The following ZP3 variants were observed in gnomAD, a reference collection of about 807,000 sequenced individuals.
The protein encoded by ZP3 is zona pellucida glycoprotein 3.
Under a neutral mutation model 35.6 loss-of-function variants are expected in ZP3, and 21 were observed. That is an observed-to-expected ratio of 0.59 (90% CI 0.42 to 0.85). The LOEUF is 0.85. Among genes scored for constraint, ZP3 ranks in the 40% least tolerant of loss-of-function variants. The probability of loss-of-function intolerance (pLI) is 0.00; values close to 1 mark genes in which losing one functional copy is unlikely to be tolerated. For synonymous variants in ZP3, 207 were observed against 214.5 expected, an observed-to-expected ratio of 0.96 and a Z score of 0.31; for missense variants, 437 against 536.5, an observed-to-expected ratio of 0.81 and a Z score of 1.83.
chr7:76,400,356 G>T, intron 1 of ZP3: 1 of 1,558,854 alleles, frequency 6.4e-7, no homozygotes, highest in Non-Finnish European at 8.7e-7. Flanking sequence ...TGCCGCACTC[G>T]CTCAGCGCAG....
intron 2 of ZP3, among the ~76,000 whole-genome samples, chr7:76,432,596 A>C (rs1359649372): frequency 6.6e-6 from 1 of 152,096 alleles, no homozygotes; most frequent in Non-Finnish European, 1.5e-5. Flanking sequence ...GATTACAGGC[A>C]TGAGCCACCG....
At chr7:76,404,478 C>A in intron 1 of ZP3, 1 of 1,613,596 alleles carries the variant, frequency 6.2e-7, no homozygotes, top group Non-Finnish European at 8.5e-7. Flanking sequence ...CCCATCAAGG[C>A]GCCAGGGAGA....
At chr7:76,441,718 T>C in intron 7 of ZP3, 124 bp from the exon 8 acceptor site, 1 of 1,213,964 alleles carries the variant, frequency 8.2e-7, no homozygotes, top group East Asian at 2.4e-5. Context: ...GTCTAGAAAC[T>C]GTTTATTAGC....
intron 1 of ZP3, among the ~76,000 whole-genome samples, chr7:76,401,896 C>G (rs955712227): frequency 6.6e-6 from 1 of 152,200 alleles, no homozygotes; most frequent in Non-Finnish European, 1.5e-5. Context: ...CCAGACTCTC[C>G]GCTCAGAACC....
chr7:76,435,538 G>A (rs1296409976), intron 5 of ZP3, among the ~76,000 whole-genome samples: 33 of 152,244 alleles, frequency 2.2e-4, no homozygotes, highest in African/African-American at 7.7e-4. Flanking sequence ...ATTAAAGTAG[G>A]GGTTTCCAGT....
intron 1 of ZP3, among the ~76,000 whole-genome samples, chr7:76,416,906 G>A (rs560042264): frequency 0.1 from 11,752 of 114,766 alleles, 1,280 homozygotes; most frequent in African/African-American, 0.32. Flanking sequence ...ACATACATAT[G>A]TATACATACA....
rs1410424632 is a variant in ZP3, at chr7:76,437,461, C to T, written c.832-2789C>T. On this transcript the variant is annotated intron_variant, in intron 5 of 7. Coordinates refer to ENST00000394857, the MANE Select transcript of ZP3 (RefSeq NM_001110354.2). Reference sequence around the variant, plus strand: ...CTGGGATTACAGGCATGAGCTATCACACTCCCCTCTTTTTTTTTTTTTTTT... The same window carrying T: ...CTGGGATTACAGGCATGAGCTATCATACTCCCCTCTTTTTTTTTTTTTTTT... 1.5e-4 allele frequency among the ~76,000 whole-genome samples: 23 copies of T among 149,814 alleles called. No homozygotes were observed. In the East Asian group the frequency reaches 3.1e-3, roughly 20 times the overall value.
upstream of ZP3, chr7:76,424,925 A>C (rs1325866505): frequency 6.7e-7 from 1 of 1,482,798 alleles, no homozygotes; most frequent in Non-Finnish European, 9.0e-7. Context: ...CCACGGGTAT[A>C]AGATGGCCAG....
At chr7:76,434,895 C>G (rs1213118114) in intron 5 of ZP3, among the ~76,000 whole-genome samples, 1 of 150,874 alleles carries the variant, frequency 6.6e-6, no homozygotes, top group African/African-American at 2.4e-5. Context: ...TGGGTCCTCC[C>G]CTTGAGAACC....
At chr7:76,409,678 T>C (rs929369335) in intron 1 of ZP3, 1 of 152,490 alleles carries the variant, frequency 6.6e-6, no homozygotes, top group African/African-American at 2.4e-5. Context: ...CGGCACCAGC[T>C]GGAGCGGCCC....
intron 1 of ZP3, among the ~76,000 whole-genome samples, chr7:76,403,868 G>A (rs950219726): frequency 1.3e-5 from 2 of 152,008 alleles, no homozygotes; most frequent in Admixed American, 6.6e-5. Flanking sequence ...TCACCATGTT[G>A]GCCAGGCTGG....
chr7:76,403,149 T>G (rs1483952057), intron 1 of ZP3, among the ~76,000 whole-genome samples: 2 of 152,156 alleles, frequency 1.3e-5, no homozygotes, highest in African/African-American at 4.8e-5. Context: ...ATCATGCAGT[T>G]CTGAGCACGA....
chr7:76,421,511 C>G (rs1805504458), upstream of ZP3, among the ~76,000 whole-genome samples: 1 of 152,076 alleles, frequency 6.6e-6, no homozygotes, highest in South Asian at 2.1e-4. Flanking sequence ...ACCTTAGCCT[C>G]CCAAAGTGCT....
intron 5 of ZP3, 85 bp from the exon 6 acceptor site, chr7:76,440,165 G>C (rs569352916): frequency 4.7e-5 from 69 of 1,482,482 alleles, no homozygotes; most frequent in Non-Finnish European, 6.2e-5. Context: ...CTCTTTAAAG[G>C]GTTGAGGGTT....
intron 1 of ZP3, chr7:76,404,199 A>G: frequency 7.1e-7 from 1 of 1,405,210 alleles, no homozygotes; most frequent in Non-Finnish European, 9.4e-7. Context: ...ATTGGAAAGA[A>G]CAACAGGAAC....
At chr7:76,417,938 TTC>T (rs1491281067) in intron 1 of ZP3, among the ~76,000 whole-genome samples, 10,001 of 135,692 alleles carry the variant, frequency 0.074, 744 homozygotes, top group African/African-American at 0.2. Flanking sequence ...CTTTCTTTCT[TTC>T]TTTTTTTTTT....
intron 5 of ZP3, chr7:76,440,004 C>G: frequency 2.2e-6 from 1 of 450,196 alleles, no homozygotes. Context: ...CCCACCACCA[C>G]GCCCAGCTAA....
rs531868468 is a variant in ZP3 at position 76,432,250 on chromosome 7, G to T, written c.432-677G>T. On this transcript the variant is annotated intron_variant, in intron 2 of 7. Coordinates refer to ENST00000394857, the MANE Select transcript of ZP3 (RefSeq NM_001110354.2). Reference sequence around the variant, plus strand: ...GTTGCCCAGGCTGGAGTGCAGTGGTGTGATCTCAGCTCACTGCAAACTCCA... The same window carrying T: ...GTTGCCCAGGCTGGAGTGCAGTGGTTTGATCTCAGCTCACTGCAAACTCCA... Among the ~76,000 whole-genome samples, 34 of 151,462 alleles carry T rather than the reference G, an allele frequency of 2.2e-4. No homozygotes were observed. In the South Asian group the frequency reaches 4.8e-3, roughly 21 times the overall value.
intron 5 of ZP3, among the ~76,000 whole-genome samples, chr7:76,435,995 A>T (rs1268389693): frequency 7.6e-6 from 1 of 131,464 alleles, no homozygotes; most frequent in Non-Finnish European, 1.6e-5. Context: ...AAGTGCTGGG[A>T]TTATAGGCAT....
Sources: allele counts gnomAD v4.1 joint callset (sites outside exome capture counted in the v4.1 genomes callset), GRCh38; gene constraint gnomAD v4.1.1; transcripts MANE v1.5; gene names NCBI Gene and HGNC (gene_info 2026-07-23, HGNC 2026-07-21).